Variants in B3GALT1 observed in about 807,000 individuals in gnomAD.
B3GALT1 encodes UDP-Gal:betaGlcNAc beta 1,3-galactosyltransferase, polypeptide 1.
B3GALT1 carries 10 observed loss-of-function variants against 23.2 expected under a neutral mutation model. The ratio of observed to expected loss-of-function variants is 0.43; its 90% CI spans 0.27 to 0.73. B3GALT1 has a LOEUF of 0.73. Ranked by LOEUF, B3GALT1 falls within the 30% of genes least tolerant of loss-of-function variation. The probability of loss-of-function intolerance (pLI) is 0.21; values close to 1 mark genes in which losing one functional copy is unlikely to be tolerated. For synonymous variants in B3GALT1, 156 were observed against 141.5 expected (o/e 1.10, Z -0.73); for missense variants, 299 against 405.4 (o/e 0.74, Z 2.25).
chr2:167,463,764 A>G (rs1699302626), intron 1 of B3GALT1, among the ~76,000 whole-genome samples: 1 of 152,218 alleles, frequency 6.6e-6, no homozygotes, highest in Non-Finnish European at 1.5e-5. Flanking sequence ...GACCAAATGT[A>G]AAAATAGATA....
chr2:167,863,496 T>A (rs1690146606), intron 4 of B3GALT1, among the ~76,000 whole-genome samples: 1 of 152,202 alleles, frequency 6.6e-6, no homozygotes, highest in South Asian at 2.1e-4. Flanking sequence ...AACAGATTTA[T>A]TTGTGCCCTC....
At chr2:167,306,726 C>T (rs977004741) in intron 1 of B3GALT1, among the ~76,000 whole-genome samples, 5 of 151,966 alleles carry the variant, frequency 3.3e-5, no homozygotes, top group African/African-American at 9.7e-5. Context: ...TCCTTTCAGT[C>T]TCATTTCTCA....
intron 1 of B3GALT1, among the ~76,000 whole-genome samples, chr2:167,453,915 C>G (rs539202933): frequency 2.3e-4 from 35 of 152,210 alleles, no homozygotes; most frequent in African/African-American, 8.4e-4. Context: ...TGTAATTTAC[C>G]TTGACTTTAA....
intron 3 of B3GALT1, among the ~76,000 whole-genome samples, chr2:167,808,979 G>C (rs933900979): frequency 8.5e-5 from 13 of 152,056 alleles, no homozygotes; most frequent in African/African-American, 3.1e-4. Flanking sequence ...GGCTTTGTTT[G>C]TTTCTTTTTA....
At chr2:167,813,953 G>C (rs1688940672) in intron 3 of B3GALT1, among the ~76,000 whole-genome samples, 1 of 150,946 alleles carries the variant, frequency 6.6e-6, no homozygotes. Flanking sequence ...CTTGGCTAAT[G>C]TATCTAAAAT....
chr2:167,639,858 C>T (rs1685621720), intron 2 of B3GALT1, among the ~76,000 whole-genome samples: 1 of 152,092 alleles, frequency 6.6e-6, no homozygotes, highest in Non-Finnish European at 1.5e-5. Flanking sequence ...ATGGTTAGCA[C>T]CTCAATTCCA....
At chr2:167,516,319 C>T (rs928330324) in intron 2 of B3GALT1, among the ~76,000 whole-genome samples, 3 of 152,126 alleles carry the variant, frequency 2.0e-5, no homozygotes, top group African/African-American at 7.2e-5. Context: ...ATCCTCAACA[C>T]TTCTGCCTAA....
intron 1 of B3GALT1, among the ~76,000 whole-genome samples, chr2:167,384,572 T>G (rs965168862): frequency 6.6e-6 from 1 of 152,146 alleles, no homozygotes; most frequent in African/African-American, 2.4e-5. Context: ...GTTATACACC[T>G]CTGATTTCTC....
chr2:167,629,489 A>G (rs1298250164), intron 2 of B3GALT1, among the ~76,000 whole-genome samples: 2 of 151,764 alleles, frequency 1.3e-5, no homozygotes, highest in Non-Finnish European at 3.0e-5. Flanking sequence ...TCATACATGA[A>G]TTAAGTTAAC....
chr2:167,302,068 C>A (rs373024556), intron 1 of B3GALT1, among the ~76,000 whole-genome samples: 1 of 151,784 alleles, frequency 6.6e-6, no homozygotes, highest in South Asian at 2.1e-4. Flanking sequence ...ATTTGGCCAA[C>A]AAAAGGGGAA....
At chr2:167,597,209 G>A (rs772524650) in intron 2 of B3GALT1, among the ~76,000 whole-genome samples, 2 of 151,140 alleles carry the variant, frequency 1.3e-5, no homozygotes, top group African/African-American at 2.4e-5. Flanking sequence ...TCCGCCTTCC[G>A]GGTTCATGCC....
intron 1 of B3GALT1, among the ~76,000 whole-genome samples, chr2:167,482,842 A>G (rs1699577890): frequency 6.6e-6 from 1 of 152,022 alleles, no homozygotes; most frequent in Non-Finnish European, 1.5e-5. Context: ...CCTGTCTCAA[A>G]AAAGAAAGCC....
intron 1 of B3GALT1, among the ~76,000 whole-genome samples, chr2:167,371,756 A>T (rs1178923208): frequency 6.6e-6 from 1 of 151,900 alleles, no homozygotes; most frequent in Non-Finnish European, 1.5e-5. Flanking sequence ...AAATTAATTG[A>T]TCTATATATG....
At chr2:167,729,298 T>A (rs1307060623) in intron 3 of B3GALT1, among the ~76,000 whole-genome samples, 1 of 152,228 alleles carries the variant, frequency 6.6e-6, no homozygotes, top group African/African-American at 2.4e-5. Flanking sequence ...AAACATTGTC[T>A]GCTTCTTAAT....
intron 2 of B3GALT1, among the ~76,000 whole-genome samples, chr2:167,510,057 T>G (rs1699981927): frequency 6.6e-6 from 1 of 152,034 alleles, no homozygotes; most frequent in Non-Finnish European, 1.5e-5. Context: ...AAGATAAAAT[T>G]AAAAGTCAGA....
At chr2:167,424,998 G>A (rs1196603072) in intron 1 of B3GALT1, among the ~76,000 whole-genome samples, 3 of 152,168 alleles carry the variant, frequency 2.0e-5, no homozygotes, top group Admixed American at 6.5e-5. Context: ...GCTCCTTCTG[G>A]TTAATTTGTT....
intron 3 of B3GALT1, among the ~76,000 whole-genome samples, chr2:167,811,341 A>C (rs1335593481): frequency 6.6e-6 from 1 of 152,198 alleles, no homozygotes; most frequent in Non-Finnish European, 1.5e-5. Flanking sequence ...TTTATCTCAC[A>C]ACTTAGCCAA....
chr2:167,436,089 C>T (rs1037281168), intron 1 of B3GALT1, among the ~76,000 whole-genome samples: 1 of 152,070 alleles, frequency 6.6e-6, no homozygotes. Context: ...CTGTGACCCT[C>T]GTCTAATGGT....
intron 3 of B3GALT1, chr2:167,714,844 C>A: frequency 6.2e-7 from 1 of 1,609,630 alleles, no homozygotes. Context: ...ATTCCTCTAT[C>A]TGGTAATTTT....
Sources: gnomAD v4.1 joint callset for allele counts (sites outside exome capture counted in the v4.1 genomes callset) on GRCh38, gnomAD v4.1.1 for gene constraint, MANE v1.5 for transcripts, NCBI Gene and HGNC (gene_info 2026-07-23, HGNC 2026-07-21) for gene names.